The following DOCK10 variants were observed in gnomAD, a reference collection of about 807,000 sequenced individuals.
DOCK10 encodes dedicator of cytokinesis protein 10.
In DOCK10, 145 loss-of-function variants were observed where a neutral mutation model predicts 280.1. The ratio of observed to expected loss-of-function variants is 0.52; its 90% CI spans 0.45 to 0.59. The LOEUF (loss-of-function observed/expected upper bound fraction) is 0.59. Ranked by LOEUF, DOCK10 falls within the 20% of genes least tolerant of loss-of-function variation. The probability of loss-of-function intolerance (pLI) is 0.00; values close to 1 mark genes in which losing one functional copy is unlikely to be tolerated. For missense variants in DOCK10, 2,368 were observed against 2,651.7 expected (o/e 0.89, Z 2.35); for synonymous variants, 915 against 942.2 (o/e 0.97, Z 0.53).
intron 55 of DOCK10, among the ~76,000 whole-genome samples, chr2:224,767,773 T>C (rs1690152736): frequency 6.6e-6 from 1 of 152,228 alleles, no homozygotes; most frequent in Admixed American, 6.5e-5. Flanking sequence ...TGAATAAACC[T>C]GCTTTTCCTC....
At chr2:224,975,077 C>T (rs950588451) in intron 1 of DOCK10, among the ~76,000 whole-genome samples, 15 of 151,378 alleles carry the variant, frequency 9.9e-5, no homozygotes, top group Non-Finnish European at 4.4e-5. Flanking sequence ...TTCTTTGCTT[C>T]TAATCATTTC....
chr2:224,992,136 A>G (rs1346307154), intron 1 of DOCK10, among the ~76,000 whole-genome samples: 1 of 152,096 alleles, frequency 6.6e-6, no homozygotes, highest in African/African-American at 2.4e-5. Flanking sequence ...TGTTGTCTTC[A>G]AGAGTTAGCT....
intron 28 of DOCK10, 101 bp from the exon 29 acceptor site, chr2:224,819,630 CTAAA>C (rs1246320018): frequency 2.7e-6 from 2 of 735,990 alleles, no homozygotes; most frequent in African/African-American, 3.6e-5. Context: ...TAACACTAAA[CTAAA>C]TGTGTTGTAT....
intron 14 of DOCK10, among the ~76,000 whole-genome samples, chr2:224,857,580 T>G (rs1409771574): frequency 6.6e-6 from 1 of 152,222 alleles, no homozygotes; most frequent in Non-Finnish European, 1.5e-5. Flanking sequence ...CCTTCCTTGG[T>G]CTGTTTCATT....
At chr2:224,804,541 C>T (rs768913199) in intron 38 of DOCK10, among the ~76,000 whole-genome samples, 4 of 151,118 alleles carry the variant, frequency 2.6e-5, no homozygotes, top group Non-Finnish European at 4.4e-5. Flanking sequence ...TCTGAAGATA[C>T]ATGAAATGTG....
intron 52 of DOCK10, among the ~76,000 whole-genome samples, chr2:224,773,944 T>A (rs752958060): frequency 1.3e-5 from 2 of 152,214 alleles, no homozygotes; most frequent in Non-Finnish European, 2.9e-5. Context: ...TTAGAATTTC[T>A]AAACACTGAA....
chr2:225,029,473 C>A (rs916433590), intron 1 of DOCK10, among the ~76,000 whole-genome samples: 1 of 152,124 alleles, frequency 6.6e-6, no homozygotes, highest in Non-Finnish European at 1.5e-5. Context: ...TGCCCGGCCT[C>A]TTTATCTATT....
At chr2:224,891,684 C>T (rs935702584) in intron 4 of DOCK10, among the ~76,000 whole-genome samples, 1 of 152,114 alleles carries the variant, frequency 6.6e-6, no homozygotes, top group African/African-American at 2.4e-5. Flanking sequence ...AGAATACCAA[C>T]GAAGTCAATA....
At chr2:224,845,756 C>T in intron 19 of DOCK10, 114 bp from the exon 20 acceptor site, 1 of 1,003,474 alleles carries the variant, frequency 1.0e-6, no homozygotes, top group Non-Finnish European at 1.5e-6. Flanking sequence ...CTGCGTCTTA[C>T]TCTGTCACCT....
At chr2:224,911,113 C>T (rs987202850) in intron 3 of DOCK10, among the ~76,000 whole-genome samples, 6 of 151,842 alleles carry the variant, frequency 4.0e-5, no homozygotes, top group Admixed American at 6.6e-5. Context: ...GGATCTAGGG[C>T]GAAAGGCACT....
intron 2 of DOCK10, among the ~76,000 whole-genome samples, chr2:224,919,538 G>C (rs561071328): frequency 1.3e-5 from 2 of 151,262 alleles, no homozygotes; most frequent in Non-Finnish European, 1.5e-5. Flanking sequence ...TGGTGTGTCT[G>C]GTATGTGAAT....
At chr2:224,846,563 G>A (rs1232189200) in intron 19 of DOCK10, among the ~76,000 whole-genome samples, 3 of 147,104 alleles carry the variant, frequency 2.0e-5, no homozygotes, top group Non-Finnish European at 4.5e-5. Context: ...GCAGTGGCAC[G>A]ATAGCTCACT....
At chr2:224,867,870 G>A (rs1029683737) in intron 11 of DOCK10, among the ~76,000 whole-genome samples, 2 of 152,164 alleles carry the variant, frequency 1.3e-5, no homozygotes, top group Non-Finnish European at 2.9e-5. Context: ...CCAGGTTTGA[G>A]GATAAAGGAA....
intron 6 of DOCK10, 88 bp from the exon 7 acceptor site, chr2:224,885,893 G>T: frequency 6.6e-7 from 1 of 1,526,046 alleles, no homozygotes; most frequent in Non-Finnish European, 8.8e-7. Flanking sequence ...TCCTTCAGGA[G>T]TGCTATATTT....
chr2:224,987,784 T>C (rs2126265378), intron 1 of DOCK10, among the ~76,000 whole-genome samples: 1 of 152,200 alleles, frequency 6.6e-6, no homozygotes. Flanking sequence ...TAATTTACAG[T>C]GAGACTGACA....
intron 31 of DOCK10, among the ~76,000 whole-genome samples, chr2:224,812,094 A>G (rs1187030944): frequency 7.9e-5 from 12 of 151,398 alleles, no homozygotes; most frequent in African/African-American, 2.7e-4. Flanking sequence ...CCATTTTCAC[A>G]ATATTGATTC....
At chr2:224,858,788 A>G (rs1162939578) in intron 14 of DOCK10, among the ~76,000 whole-genome samples, 3 of 152,188 alleles carry the variant, frequency 2.0e-5, no homozygotes, top group Non-Finnish European at 4.4e-5. Context: ...TATTGTGAGG[A>G]TCTCAGCACC....
chr2:224,868,140 T>C (rs1698047391), intron 11 of DOCK10, among the ~76,000 whole-genome samples: 2 of 151,216 alleles, frequency 1.3e-5, no homozygotes, highest in African/African-American at 4.9e-5. Flanking sequence ...GAGATGGGAG[T>C]AGGGAAAACA....
chr2:224,862,701 A>G lies in DOCK10; in HGVS notation c.1648T>C (p.Leu550=), dbSNP rs756580717. 116 of 1,612,172 alleles carry G rather than the reference A, an allele frequency of 7.2e-5. No individual in the cohort carries two copies. In the Admixed American group the frequency reaches 1.9e-3, roughly 27 times the overall value. Residue 550 remains leucine (L), a synonymous_variant, in exon 14 of 56, where the codon TTG becomes CTG. Transcript: ENST00000258390. ...GCAAAAGGCATACGGTATTTTCCCA[A>G]TTTGCTGCAGAATTGTCTGTTGGAT... ...LKSNRQFCSK[L]GKYRMPFAWA... is the part of the protein sequence containing the mutation.
Sources: allele counts gnomAD v4.1 joint callset (sites outside exome capture counted in the v4.1 genomes callset), GRCh38; gene constraint gnomAD v4.1.1; transcripts MANE v1.5; gene names NCBI Gene and HGNC (gene_info 2026-07-23, HGNC 2026-07-21).